The following CAV3 variants were observed in gnomAD, a reference collection of about 807,000 sequenced individuals.
The protein encoded by CAV3 is caveolin 3.
A neutral mutation model predicts 13.4 loss-of-function variants in CAV3; 10 were observed. The observed-to-expected ratio is 0.75, with a 90% confidence interval of 0.46 to 1.27. The LOEUF is 1.27. CAV3 is among the 50% of genes most tolerant of loss of function. The pLI is 0.00. For missense variants in CAV3, 162 were observed against 194.0 expected (o/e 0.83, Z 0.98); for synonymous variants, 90 against 79.0 (o/e 1.14, Z -0.74).
At position 8,746,031 on chromosome 3, in the gene CAV3, C is replaced by T. The variant is rs566447811; in HGVS notation, c.*164C>T. ...AGGGAAGCCAGAAAGAAAAGACGGC[C>T]CAGCCACAGAAGCACAATGGCCCTT... On this transcript the variant is annotated 3_prime_UTR_variant, in exon 2 of 2. Coordinates refer to ENST00000343849, the MANE Select transcript of CAV3 (RefSeq NM_033337.3). The T allele has an allele frequency of 1.8e-5, 11 of 611,678 alleles. No homozygotes were observed. The highest frequency in any genetic ancestry group is 2.9e-5 in the Non-Finnish European group (10 of 350,530). The allele number at this position is 611,678 out of a possible 1,614,324, so 37.9% of individuals were successfully genotyped here. A position where few individuals can be genotyped will look rare whatever the true frequency, so the allele number is the denominator to read the frequency against.
intron 1 of CAV3, among the ~76,000 whole-genome samples, chr3:8,743,396 C>G (rs566479326): frequency 6.6e-6 from 1 of 152,194 alleles, no homozygotes; most frequent in African/African-American, 2.4e-5. Flanking sequence ...CCCTAAATTC[C>G]CAGCCAGCCA....
chr3:8,741,980 A>G (rs925719733), intron 1 of CAV3, among the ~76,000 whole-genome samples: 3 of 152,096 alleles, frequency 2.0e-5, no homozygotes, highest in Admixed American at 6.5e-5. Context: ...CCCTCTCTCC[A>G]ACTGCACACA....
intron 1 of CAV3, chr3:8,742,564 G>T (rs1389783700): frequency 6.6e-6 from 3 of 451,724 alleles, no homozygotes; most frequent in Admixed American, 2.4e-5. Context: ...GATGTCAAAA[G>T]AATTTCTCAG....
At position 8,733,974 on chromosome 3, in the gene CAV3, AC is replaced by A; in HGVS notation, c.99del (p.Asn33LysfsTer4). 1 of 1,606,988 alleles carries A rather than the reference AC, an allele frequency of 6.2e-7. No individual in the cohort carries two copies. Among genetic ancestry groups the A allele is most frequent in the East Asian group, 2.2e-5 (1 of 44,820 alleles). ...GTGAACCGAGACCCCAAGAACATTA[AC>A]GAGGACATAGTCAAGGTAGGCTCTG... is the stretch of plus-strand genomic sequence containing the variant. ...DLVNRDPKNINEDIVKVDFED... is the reference protein window; with the variant it reads ...DLVNRDPKNIXEDIVKVDFED... On this transcript the variant is annotated frameshift_variant, in exon 1 of 2. Transcript: ENST00000343849. LOFTEE classifies it high-confidence loss of function.
chr3:8,736,498 C>A (rs1214906366), intron 1 of CAV3, among the ~76,000 whole-genome samples: 1 of 152,216 alleles, frequency 6.6e-6, no homozygotes, highest in South Asian at 2.1e-4. Context: ...CCATCTGGTA[C>A]ACCCAGGTGG....
At chr3:8,739,503 C>G (rs1427617852) in intron 1 of CAV3, among the ~76,000 whole-genome samples, 1 of 151,536 alleles carries the variant, frequency 6.6e-6, no homozygotes, top group Non-Finnish European at 1.5e-5. Context: ...GCCTGTAATC[C>G]CAGCTACTCA....
chr3:8,742,441 T>G (rs1306306649), intron 1 of CAV3: 3 of 449,698 alleles, frequency 6.7e-6, no homozygotes, highest in Non-Finnish European at 8.9e-6. Context: ...GGATTATTAC[T>G]GTAAGTACTG....
chr3:8,734,683 A>G (rs919698073), intron 1 of CAV3, among the ~76,000 whole-genome samples: 10 of 152,124 alleles, frequency 6.6e-5, no homozygotes, highest in African/African-American at 2.2e-4. Flanking sequence ...CTCCAGGCCC[A>G]CACCTTCAAT....
chr3:8,735,269 A>G (rs1234126024), intron 1 of CAV3, among the ~76,000 whole-genome samples: 1 of 152,234 alleles, frequency 6.6e-6, no homozygotes, highest in African/African-American at 2.4e-5. Flanking sequence ...TTAACCCTAT[A>G]TATCTAAAAT....
In CAV3 at chr3:8,741,008, C is replaced by G. The variant is rs549648274; in HGVS notation, c.115-4518C>G. ...GACATGCATAAAGGGCCATATACAT[C>G]GTGGGTGTTACCATGGTTATCCCAG... On this transcript the variant is annotated intron_variant, in intron 1 of 1. Transcript: ENST00000343849. Among the ~76,000 whole-genome samples the G allele has an allele frequency of 1.8e-4, 27 of 152,310 alleles. No individual in the cohort carries two copies. In the South Asian group the frequency reaches 5.0e-3, roughly 28 times the overall value.
At chr3:8,740,105 T>C (rs1457920215) in intron 1 of CAV3, among the ~76,000 whole-genome samples, 3 of 152,098 alleles carry the variant, frequency 2.0e-5, no homozygotes, top group Non-Finnish European at 4.4e-5. Flanking sequence ...CATTCAGCAG[T>C]GCATTTCTAA....
chr3:8,738,041 T>TCTCG (rs1553613605), intron 1 of CAV3, among the ~76,000 whole-genome samples: 1 of 127,824 alleles, frequency 7.8e-6, no homozygotes, highest in Non-Finnish European at 1.6e-5. Flanking sequence ...CTCTGTCTTC[T>TCTCG]CTCTCTCTCT....
intron 1 of CAV3, chr3:8,742,366 A>AAAG: frequency 2.9e-6 from 1 of 344,718 alleles, no homozygotes. Context: ...ACACCAAAAA[A>AAAG]AAAAAAAAGA....
chr3:8,746,071 C>A lies in CAV3; in HGVS notation c.*204C>A. On this transcript the variant is annotated 3_prime_UTR_variant, in exon 2 of 2. Coordinates refer to ENST00000343849, the MANE Select transcript of CAV3 (RefSeq NM_033337.3). Reference sequence around the variant, plus strand: ...CAATGGCCCTTCGCTCTCCCCCAGCCCCACCATGATGCCCCCATGCCTGGG... The same window carrying A: ...CAATGGCCCTTCGCTCTCCCCCAGCACCACCATGATGCCCCCATGCCTGGG... 1.1e-5 allele frequency: 6 copies of A among 567,362 alleles called. No homozygotes were observed. Among genetic ancestry groups the A allele is most frequent in the Non-Finnish European group, 1.9e-5 (6 of 317,648 alleles). The allele number at this position is 567,362 out of a possible 1,614,324, so 35.1% of individuals were successfully genotyped here. A position where few individuals can be genotyped will look rare whatever the true frequency, so the allele number is the denominator to read the frequency against.
Position 8,746,077 on chromosome 3 carries a change from A to G in CAV3, c.*210A>G, listed in dbSNP as rs766271453. The G allele has an allele frequency of 3.6e-6, 2 of 560,132 alleles. No homozygotes were observed. Among genetic ancestry groups the G allele is most frequent in the Non-Finnish European group, 6.4e-6 (2 of 313,028 alleles). The allele number at this position is 560,132 out of a possible 1,614,324, so 34.7% of individuals were successfully genotyped here. On this transcript the variant is annotated 3_prime_UTR_variant, in exon 2 of 2. Coordinates refer to ENST00000343849, the MANE Select transcript of CAV3 (RefSeq NM_033337.3). ...CCCTTCGCTCTCCCCCAGCCCCACC[A>G]TGATGCCCCCATGCCTGGGCGTGGG...
At chr3:8,741,430 G>A (rs1316286929) in intron 1 of CAV3, among the ~76,000 whole-genome samples, 1 of 152,152 alleles carries the variant, frequency 6.6e-6, no homozygotes, top group Non-Finnish European at 1.5e-5. Context: ...AAGGTAATAG[G>A]GGAGGAAGCT....
In CAV3 at chr3:8,745,218, C is replaced by T. The variant is rs898595696; in HGVS notation, c.115-308C>T. Among the ~76,000 whole-genome samples the T allele has an allele frequency of 1.3e-5, 2 of 152,226 alleles. No individual in the cohort carries two copies. Among genetic ancestry groups the T allele is most frequent in the South Asian group, 2.1e-4 (1 of 4,826 alleles). ...TTGCTCCCACTCTCACCAGGGGAGA[C>T]GCCTGCTCTCCCTTCTCTAGCCATG... On this transcript the variant is annotated intron_variant, in intron 1 of 1. Transcript: ENST00000343849. The surrounding 1 kb of genome is among the most constrained non-coding windows in gnomAD (Gnocchi z 4.8).
chr3:8,739,084 T>C (rs1026156255), intron 1 of CAV3, among the ~76,000 whole-genome samples: 5 of 152,374 alleles, frequency 3.3e-5, no homozygotes, highest in Admixed American at 6.5e-5. Flanking sequence ...TCTTGCCCTC[T>C]GTCAATGACC....
Position 8,745,901 on chromosome 3 carries a change from G to T in CAV3, c.*34G>T. The T allele has an allele frequency of 6.3e-7, 1 of 1,580,648 alleles. No homozygotes were observed. Among genetic ancestry groups the T allele is most frequent in the African/African-American group, 1.3e-5 (1 of 74,598 alleles). ...GGGGCAACAGCGGTGGCAGGGCAGGGGGTGGTGGGCCAGACTGGTCCCCGG... is the reference window on the plus strand; with the variant it reads ...GGGGCAACAGCGGTGGCAGGGCAGGTGGTGGTGGGCCAGACTGGTCCCCGG... On this transcript the variant is annotated 3_prime_UTR_variant, in exon 2 of 2. Coordinates refer to ENST00000343849, the MANE Select transcript of CAV3 (RefSeq NM_033337.3). The surrounding 1 kb of genome is among the most constrained non-coding windows in gnomAD (Gnocchi z 4.8).
Sources: allele counts gnomAD v4.1 joint callset (sites outside exome capture counted in the v4.1 genomes callset), GRCh38; gene constraint gnomAD v4.1.1; non-coding constraint Gnocchi (gnomAD v3.1); transcripts MANE v1.5; gene names NCBI Gene and HGNC (gene_info 2026-07-23, HGNC 2026-07-21).